The following RACGAP1 variants were observed in gnomAD, a reference collection of about 807,000 sequenced individuals.
RACGAP1 encodes Rac GTPase activating protein 1.
Under a neutral mutation model 78.1 loss-of-function variants are expected in RACGAP1, and 30 were observed. That is an observed-to-expected ratio of 0.38 (90% confidence interval 0.29 to 0.52). The LOEUF (loss-of-function observed/expected upper bound fraction) is 0.52. Among genes scored for constraint, RACGAP1 ranks in the 20% least tolerant of loss-of-function variants. The pLI is 0.82. For synonymous variants in RACGAP1, 231 were observed against 264.8 expected (o/e 0.87, Z 1.24); for missense variants, 587 against 777.1 (o/e 0.76, Z 2.91).
chr12:50,004,667 T>C (rs1245293250), intron 4 of RACGAP1, among the ~76,000 whole-genome samples: 6 of 152,254 alleles, frequency 3.9e-5, no homozygotes, highest in Admixed American at 3.3e-4. Context: ...TGCTGGTTTC[T>C]ACAAACAAGA....
intron 2 of RACGAP1, among the ~76,000 whole-genome samples, chr12:50,015,493 G>C (rs1402609224): frequency 1.3e-5 from 2 of 152,110 alleles, no homozygotes; most frequent in Non-Finnish European, 2.9e-5. Flanking sequence ...AAAATAGGGA[G>C]ACCTTATCTC....
intron 9 of RACGAP1, 59 bp from the exon 10 acceptor site, chr12:49,997,263 A>C: frequency 1.4e-6 from 2 of 1,395,634 alleles, no homozygotes; most frequent in Non-Finnish European, 1.9e-6. Flanking sequence ...TATCATCATA[A>C]TCAACTAACT....
chr12:49,990,249 G>GT lies in RACGAP1; in HGVS notation c.*18dup. 1 of 1,599,350 alleles carries GT rather than the reference G, an allele frequency of 6.3e-7. No homozygotes were observed. The highest frequency in any genetic ancestry group is 8.6e-7 in the Non-Finnish European group (1 of 1,166,978). ...TCTTATAGTCAGTCAATGCTGGGAAGTAACAGGCAGATGTGACTTCACTTG... is the reference window on the plus strand; with the variant it reads ...TCTTATAGTCAGTCAATGCTGGGAAGTTAACAGGCAGATGTGACTTCACTTG... On this transcript the variant is annotated 3_prime_UTR_variant, in exon 17 of 17. Transcript: ENST00000312377.
At chr12:50,005,129 C>G in intron 4 of RACGAP1, 127 bp downstream of exon 4, 1 of 1,406,214 alleles carries the variant, frequency 7.1e-7, no homozygotes, top group Non-Finnish European at 9.7e-7. Flanking sequence ...CTACTCTCCC[C>G]ACAAAATCTT....
chr12:49,992,304 G>A lies in RACGAP1; in HGVS notation c.1519C>T (p.His507Tyr). ...AKVFGPTIVA[H>Y]AVPNPDPVTM... ...ACTGGGTCTGGATTGGGCACAGCAT[G>A]GGCCACTATTGTAGGGCCAAAGACT... Residue 507 changes from histidine to tyrosine, a missense_variant, in exon 14 of 17, where the codon CAT (histidine) becomes TAT (tyrosine). Coordinates refer to ENST00000312377, the MANE Select transcript of RACGAP1 (RefSeq NM_001319999.2). The A allele has an allele frequency of 6.2e-7, 1 of 1,614,130 alleles. No individual in the cohort carries two copies. The highest frequency in any genetic ancestry group is 1.1e-5 in the South Asian group (1 of 91,078).
Position 50,002,308 on chromosome 12 carries a change from C to T in RACGAP1, c.496-8G>A. ...CAAAGAAGAGTCCCAATCCTGTTGACAATTACACTGTATTAATTTCTTTTT... is the reference window on the plus strand; with the variant it reads ...CAAAGAAGAGTCCCAATCCTGTTGATAATTACACTGTATTAATTTCTTTTT... On this transcript the variant is annotated splice_polypyrimidine_tract_variant and splice_region_variant and intron_variant, in intron 5 of 16. Coordinates refer to ENST00000312377, the MANE Select transcript of RACGAP1 (RefSeq NM_001319999.2). 1.9e-6 allele frequency: 3 copies of T among 1,611,424 alleles called. No individual in the cohort carries two copies. The highest frequency in any genetic ancestry group is 2.2e-5 in the East Asian group (1 of 44,828).
At chr12:50,031,840 C>T (rs1473543927) in exon 2 of RACGAP1, 11 of 748,926 alleles carry the variant, frequency 1.5e-5, no homozygotes, top group African/African-American at 5.7e-5. Flanking sequence ...CGGCCTTTCA[C>T]AGGTCAGCTG....
At chr12:50,019,847 T>C (rs1949907014) in intron 1 of RACGAP1, 1 of 152,144 alleles carries the variant, frequency 6.6e-6, no homozygotes. Context: ...ATTTACCTCA[T>C]AGAATATTAC....
At chr12:50,012,067 G>A (rs1259862026) in intron 2 of RACGAP1, among the ~76,000 whole-genome samples, 1 of 151,848 alleles carries the variant, frequency 6.6e-6, no homozygotes, top group Non-Finnish European at 1.5e-5. Flanking sequence ...GTTCAACGCT[G>A]CAGTAAGCTA....
intron 2 of RACGAP1, among the ~76,000 whole-genome samples, chr12:50,007,499 T>C (rs1055229953): frequency 6.6e-6 from 1 of 152,210 alleles, no homozygotes; most frequent in Non-Finnish European, 1.5e-5. Context: ...TCCACCAACA[T>C]CAAGGAAGAA....
chr12:50,024,070 A>G (rs1950151348), intron 1 of RACGAP1, among the ~76,000 whole-genome samples: 1 of 152,026 alleles, frequency 6.6e-6, no homozygotes, highest in Non-Finnish European at 1.5e-5. Flanking sequence ...CTGAGGCAGG[A>G]GAATGGCGTG....
At chr12:50,000,065 G>A (rs1948574433) in intron 7 of RACGAP1, among the ~76,000 whole-genome samples, 1 of 140,722 alleles carries the variant, frequency 7.1e-6, no homozygotes, top group Non-Finnish European at 1.5e-5. Flanking sequence ...CCACGCTGGA[G>A]TACAGTGGCC....
intron 1 of RACGAP1, among the ~76,000 whole-genome samples, chr12:50,020,203 TG>T (rs1949928361): frequency 6.6e-6 from 1 of 152,118 alleles, no homozygotes; most frequent in African/African-American, 2.4e-5. Flanking sequence ...TCTGAGACGG[TG>T]TCTTGCTCTG....
chr12:50,024,470 T>C (rs1950175748), intron 1 of RACGAP1, among the ~76,000 whole-genome samples: 1 of 152,112 alleles, frequency 6.6e-6, no homozygotes. Flanking sequence ...TACACAGACA[T>C]ACAGAGTGGA....
intron 12 of RACGAP1, among the ~76,000 whole-genome samples, 153 bp from the exon 13 acceptor site, chr12:49,992,808 C>G (rs114859025): frequency 6.6e-6 from 1 of 152,284 alleles, no homozygotes; most frequent in African/African-American, 2.4e-5. Flanking sequence ...CATTAACAAG[C>G]AGGATACTGG....
intron 1 of RACGAP1, among the ~76,000 whole-genome samples, chr12:50,020,224 C>T (rs1949929539): frequency 6.6e-6 from 1 of 151,114 alleles, no homozygotes; most frequent in Admixed American, 6.7e-5. Context: ...GTCACCCAGG[C>T]TGGAGTGCAG....
chr12:50,016,883 T>TA, intron 1 of RACGAP1, 164 bp from the exon 2 acceptor site: 1 of 1,375,524 alleles, frequency 7.3e-7, no homozygotes. Flanking sequence ...ATTCTTATTA[T>TA]AAAAACAAAC....
In RACGAP1 at chr12:49,994,336, T is replaced by C. The variant is rs773365800; in HGVS notation, c.1141-7A>G. On this transcript the variant is annotated splice_polypyrimidine_tract_variant and splice_region_variant and intron_variant, in intron 11 of 16. Transcript: ENST00000312377. The stretch of plus-strand genomic sequence containing the variant: ...AGATCCTATACAGGCCTGTCTATTA[T>C]CAAGATGACATTTTTATTTAAAAAC... 3.1e-6 allele frequency: 5 copies of C among 1,613,050 alleles called. No homozygotes were observed. In the South Asian group the frequency reaches 5.5e-5, roughly 18 times the overall value.
In RACGAP1 at chr12:49,999,252, G is replaced by C. The variant is rs1233343271; in HGVS notation, c.768C>G (p.Asn256Lys). ...RRKTGTLQPWNSDSTLNSRQL... is the reference protein window; with the variant it reads ...RRKTGTLQPWKSDSTLNSRQL... ...GCCTGCTGTTCAGGGTGGAGTCACT[G>C]TTCCAAGGTTGTAAAGTACCTAGAA... Residue 256 changes from asparagine (N) to lysine (K), a missense_variant, in exon 9 of 17, where the codon AAC becomes AAG. Asn to Lys is a moderately conservative substitution (Grantham distance 94, BLOSUM62 0). Coordinates refer to ENST00000312377, the MANE Select transcript of RACGAP1 (RefSeq NM_001319999.2). 6.2e-7 allele frequency: 1 copy of C among 1,611,590 alleles called. No homozygotes were observed. The highest frequency in any genetic ancestry group is 1.3e-5 in the African/African-American group (1 of 74,894).
Sources: gnomAD v4.1 joint callset for allele counts (sites outside exome capture counted in the v4.1 genomes callset) on GRCh38, gnomAD v4.1.1 for gene constraint, MANE v1.5 for transcripts, NCBI Gene and HGNC (gene_info 2026-07-23, HGNC 2026-07-21) for gene names.